The following MATR3 variants were observed in gnomAD, a reference collection of about 807,000 sequenced individuals.
The protein encoded by MATR3 is matrin 3, also known as matrin-3.
A neutral mutation model predicts 85.5 loss-of-function variants in MATR3; 4 were observed. The observed-to-expected ratio is 0.05, with a 90% CI of 0.02 to 0.11. MATR3 has a LOEUF of 0.11. Among genes scored for constraint, MATR3 ranks in the 10% least tolerant of loss-of-function variants. MATR3 has a pLI of 1.00. For missense variants in MATR3, 685 were observed against 1,016.1 expected (o/e 0.67, Z 4.43); for synonymous variants, 336 against 343.1 (o/e 0.98, Z 0.23).
upstream of MATR3, chr5:139,293,205 A>C (rs989781789): frequency 2.0e-5 from 3 of 152,210 alleles, no homozygotes; most frequent in African/African-American, 7.2e-5. Flanking sequence ...GGCTGCAATG[A>C]GCCATGATAA....
chr5:139,318,180 CTGGAG>C (rs1292289552), intron 7 of MATR3, among the ~76,000 whole-genome samples: 1 of 152,198 alleles, frequency 6.6e-6, no homozygotes, highest in African/African-American at 2.4e-5. Context: ...GTCACCCAGG[CTGGAG>C]TGCAGTGGCG....
chr5:139,290,437 T>TC (rs1753835176), upstream of MATR3, among the ~76,000 whole-genome samples: 1 of 119,046 alleles, frequency 8.4e-6, no homozygotes, highest in African/African-American at 3.2e-5. Flanking sequence ...GCCTGGCCGC[T>TC]CTTTTTTTTT....
intron 1 of MATR3, among the ~76,000 whole-genome samples, chr5:139,274,652 G>T (rs955129975): frequency 6.6e-6 from 1 of 152,164 alleles, no homozygotes; most frequent in Admixed American, 6.5e-5. Flanking sequence ...AATGGTGACT[G>T]TGAGGCCGGG....
chr5:139,303,768 A>G (rs775163820), intron 1 of MATR3, among the ~76,000 whole-genome samples: 80 of 152,190 alleles, frequency 5.3e-4, no homozygotes, highest in Non-Finnish European at 4.1e-4. Context: ...TAAACTAAAA[A>G]TCTTTTCATT....
intron 14 of MATR3, among the ~76,000 whole-genome samples, chr5:139,328,138 A>G (rs534397507): frequency 5.3e-5 from 8 of 151,984 alleles, no homozygotes; most frequent in African/African-American, 9.6e-5. Context: ...CTGGGATTAC[A>G]GGCGTGAGCC....
chr5:139,292,404 T>A (rs963467653), upstream of MATR3, among the ~76,000 whole-genome samples: 1 of 152,202 alleles, frequency 6.6e-6, no homozygotes, highest in Non-Finnish European at 1.5e-5. Flanking sequence ...TTATAATCAT[T>A]AACTGTGCTG....
chr5:139,324,463 G>A (rs1418372788), intron 12 of MATR3, among the ~76,000 whole-genome samples: 1 of 151,962 alleles, frequency 6.6e-6, no homozygotes. Context: ...GCTAATTCTT[G>A]TATTTTTAGT....
intron 14 of MATR3, among the ~76,000 whole-genome samples, chr5:139,326,568 G>T (rs1755863549): frequency 6.6e-6 from 1 of 151,862 alleles, no homozygotes; most frequent in South Asian, 2.1e-4. Context: ...TTACAGGCAT[G>T]CACCACCACA....
chr5:139,317,739 G>A lies in MATR3; in HGVS notation c.1308+18G>A, dbSNP rs753309879. On this transcript the variant is annotated intron_variant, in intron 7 of 14. Transcript: ENST00000394805. Reference sequence around the variant, plus strand: ...TTAATGAGGTATGAATTGAAATATTGGTATTATTCATTTATTCATGCCACT... The same window carrying A: ...TTAATGAGGTATGAATTGAAATATTAGTATTATTCATTTATTCATGCCACT... 1.4e-5 allele frequency: 21 copies of A among 1,554,400 alleles called. No homozygotes were observed. Among genetic ancestry groups the A allele is most frequent in the Non-Finnish European group, 1.8e-5 (20 of 1,134,988 alleles).
chr5:139,278,276 TTATTA>T (rs1319280375), intron 2 of MATR3: 1 of 452,782 alleles, frequency 2.2e-6, no homozygotes, highest in Non-Finnish European at 4.4e-6. Flanking sequence ...GCATTGCTAT[TTATTA>T]TATTCTGTGT....
intron 12 of MATR3, 84 bp from the exon 13 acceptor site, chr5:139,325,356 G>T: frequency 6.3e-7 from 1 of 1,584,640 alleles, no homozygotes; most frequent in Non-Finnish European, 8.6e-7. Context: ...TGATGAGGAA[G>T]ATTCGGAACT....
At chr5:139,287,526 G>A (rs1753742822) in intron 3 of MATR3, among the ~76,000 whole-genome samples, 1 of 152,162 alleles carries the variant, frequency 6.6e-6, no homozygotes, top group Admixed American at 6.5e-5. Flanking sequence ...GGCTGAGGCA[G>A]GAGAATCGCC....
At chr5:139,291,553 T>C, upstream of MATR3, among the ~76,000 whole-genome samples, 1 of 152,250 alleles carries the variant, frequency 6.6e-6, no homozygotes, top group East Asian at 1.9e-4. Flanking sequence ...TCATTTTTTT[T>C]TGAAACGGAG....
chr5:139,279,209 T>C, intron 3 of MATR3: 1 of 452,642 alleles, frequency 2.2e-6, no homozygotes, highest in Admixed American at 2.4e-5. Flanking sequence ...AATTATGATG[T>C]GAAAAATTAT....
intron 1 of MATR3, among the ~76,000 whole-genome samples, chr5:139,298,713 C>T (rs1438277889): frequency 2.0e-5 from 3 of 152,100 alleles, no homozygotes; most frequent in Non-Finnish European, 4.4e-5. Flanking sequence ...AAAAGGCTAT[C>T]AGTTTTAATG....
Position 139,307,332 on chromosome 5 carries a change from C to A in MATR3, c.-84C>A. The A allele has an allele frequency of 6.5e-7, 1 of 1,536,594 alleles. No homozygotes were observed. The highest frequency in any genetic ancestry group is 8.7e-7 in the Non-Finnish European group (1 of 1,151,734). ...CATTTTTGAAGCAAAGTTAACCTAG[C>A]TTTCTAGTTTGAGCTTTCTTTTTGG... On this transcript the variant is annotated 5_prime_UTR_variant, in exon 2 of 15. Transcript: ENST00000394805. This position sits in a 1 kb window ranked among gnomAD's most constrained non-coding sequence, Gnocchi z 4.4.
At chr5:139,280,396 GC>G (rs1345268345) in intron 3 of MATR3, among the ~76,000 whole-genome samples, 2 of 152,208 alleles carry the variant, frequency 1.3e-5, no homozygotes, top group Non-Finnish European at 2.9e-5. Context: ...AGAGCCAATA[GC>G]AATGTGTCTT....
intron 3 of MATR3, chr5:139,283,132 A>G (rs1753590673): frequency 6.6e-6 from 1 of 152,272 alleles, no homozygotes. Context: ...TCAGCCCGTA[A>G]GCTTATAGTA....
rs139850230 is a variant in MATR3 at position 139,321,007 on chromosome 5, C to T, written c.1603-891C>T. On this transcript the variant is annotated intron_variant, in intron 9 of 14. Transcript: ENST00000394805. ...CCCTGACCTTGTGATCCGCCCGTCT[C>T]GGCCTCCCAAAGTGCTGGGATTACA... 3.9e-4 allele frequency among the ~76,000 whole-genome samples: 59 copies of T among 151,430 alleles called. No individual in the cohort carries two copies. In the East Asian group the frequency reaches 8.4e-3, roughly 21 times the overall value.
Sources: allele counts gnomAD v4.1 joint callset (sites outside exome capture counted in the v4.1 genomes callset), GRCh38; gene constraint gnomAD v4.1.1; non-coding constraint Gnocchi (gnomAD v3.1); transcripts MANE v1.5; gene names NCBI Gene and HGNC (gene_info 2026-07-23, HGNC 2026-07-21).